OR5V1: variants seen among roughly 807,000 people sequenced by gnomAD.
OR5V1 encodes the protein olfactory receptor 5V1.
For missense variants in OR5V1, 365 were observed against 371.5 expected (o/e 0.98, Z 0.14); for synonymous variants, 134 against 143.2 (o/e 0.94, Z 0.46).
At chr6:29,363,412 A>G (rs1472123561) in intron 1 of OR5V1, among the ~76,000 whole-genome samples, 1 of 152,142 alleles carries the variant, frequency 6.6e-6, no homozygotes, top group Non-Finnish European at 1.5e-5. Context: ...ACTATTCCAA[A>G]CAATAAAAAA....
At chr6:29,361,497 G>A (rs1039078848) in intron 1 of OR5V1, among the ~76,000 whole-genome samples, 4 of 151,928 alleles carry the variant, frequency 2.6e-5, no homozygotes, top group Non-Finnish European at 4.4e-5. Flanking sequence ...ATCCAAGGTC[G>A]AAATGAAAGA....
intron 1 of OR5V1, among the ~76,000 whole-genome samples, chr6:29,365,411 A>G (rs947289654): frequency 1.3e-5 from 2 of 152,170 alleles, no homozygotes; most frequent in Admixed American, 6.5e-5. Context: ...TCCATCTGGC[A>G]AAGGTCTAAT....
chr6:29,361,199 T>C (rs1204100317), intron 1 of OR5V1, among the ~76,000 whole-genome samples: 1 of 151,888 alleles, frequency 6.6e-6, no homozygotes, highest in Non-Finnish European at 1.5e-5. Context: ...AAGATCAACT[T>C]ACTAAAATAA....
intron 1 of OR5V1, among the ~76,000 whole-genome samples, chr6:29,358,770 T>C (rs1337633546): frequency 6.6e-6 from 1 of 152,074 alleles, no homozygotes; most frequent in East Asian, 1.9e-4. Flanking sequence ...AGGTAGAAAA[T>C]AGAATGGTGG....
rs978305617 is a variant in OR5V1 at position 29,355,030 on chromosome 6, A to T, written c.*200T>A. On this transcript the variant is annotated 3_prime_UTR_variant, in exon 2 of 2. Coordinates refer to ENST00000641768, the MANE Select transcript of OR5V1 (RefSeq NM_030876.6). ...AAATTCAGGAATGGAAAAATAAATA[A>T]GAAGATAATATCTAAAGAGAGCAAC... 1 of 422,974 alleles carries T rather than the reference A, an allele frequency of 2.4e-6. No homozygotes were observed. The highest frequency in any genetic ancestry group is 4.1e-6 in the Non-Finnish European group (1 of 246,438). The allele number at this position is 422,974 out of a possible 1,614,324, so 26.2% of individuals were successfully genotyped here. A position where few individuals can be genotyped will look rare whatever the true frequency, so the allele number is the denominator to read the frequency against.
chr6:29,356,352 T>C, intron 1 of OR5V1, 75 bp from the exon 2 acceptor site: 1 of 788,664 alleles, frequency 1.3e-6, no homozygotes, highest in East Asian at 2.7e-5. Context: ...GCAGCATTCT[T>C]TTGCAAACCA....
chr6:29,355,343 G>C lies in OR5V1; in HGVS notation c.853C>G (p.Leu285Val), dbSNP rs1778207731. ...CTCAATGTGTAAATTATAGGGTTTA[G>C]CATGGGGGTAACAACACTGTACAAC... ...SVLYSVVTPM[L>V]NPIIYTLRNK... The change falls in exon 2 of 2, where the codon CTA becomes GTA. Residue 285 changes from leucine (L) to valine (V), a missense_variant. Transcript: ENST00000641768. 3 of 1,613,848 alleles carry C rather than the reference G, an allele frequency of 1.9e-6. No individual in the cohort carries two copies. Among genetic ancestry groups the C allele is most frequent in the Non-Finnish European group, 2.5e-6 (3 of 1,179,888 alleles).
rs747310156 is a variant in OR5V1 at position 29,355,475 on chromosome 6, A to T, written c.721T>A (p.Cys241Ser). The change falls in exon 2 of 2, where the codon TGT (cysteine) becomes AGT (serine). Residue 241 changes from cysteine (C) to serine (S), a missense_variant. By Grantham distance (112) the Cys-to-Ser change is moderately radical. Coordinates refer to ENST00000641768, the MANE Select transcript of OR5V1 (RefSeq NM_030876.6). ...AAGACAATGGCCAGGTGGGAGGCAC[A>T]TGTAGAGAAGGCTTTTCGTCTTCCC... ...SEGRRKAFST[C>S]ASHLAIVFLF... The T allele has an allele frequency of 6.2e-7, 1 of 1,613,920 alleles. No homozygotes were observed. Among genetic ancestry groups the T allele is most frequent in the African/African-American group, 1.3e-5 (1 of 74,934 alleles).
At chr6:29,362,747 C>T (rs9257784) in intron 1 of OR5V1, among the ~76,000 whole-genome samples, 1,697 of 152,206 alleles carry the variant, frequency 0.011, 16 homozygotes, top group East Asian at 0.028. Flanking sequence ...TATTTGAAAC[C>T]AGTGAGAACA....
chr6:29,365,261 A>C (rs1245140510), intron 1 of OR5V1, among the ~76,000 whole-genome samples: 1 of 151,900 alleles, frequency 6.6e-6, no homozygotes, highest in African/African-American at 2.4e-5. Context: ...TGACTAAAAC[A>C]CCAAAAGCAA....
chr6:29,363,328 T>G (rs1338607685), intron 1 of OR5V1, among the ~76,000 whole-genome samples: 1 of 151,592 alleles, frequency 6.6e-6, no homozygotes, highest in Non-Finnish European at 1.5e-5. Flanking sequence ...AAACAAAAAA[T>G]CTCCAGGATC....
At position 29,368,740 on chromosome 6, in the gene OR5V1, G is replaced by A. The variant is rs1778980421; in HGVS notation, c.-191C>T. ...AACACAAAATAATGTTCCCTACAGA[G>A]TCTGTGCTGATAAACTTCTGAGTGA... On this transcript the variant is annotated 5_prime_UTR_variant, in exon 1 of 2. Transcript: ENST00000641768. The A allele has an allele frequency of 6.6e-6, 1 of 152,228 alleles. No individual in the cohort carries two copies. Among genetic ancestry groups the A allele is most frequent in the Non-Finnish European group, 1.5e-5 (1 of 68,072 alleles). The allele number at this position is 152,228 out of a possible 1,614,324, so 9.4% of individuals were successfully genotyped here. A position where few individuals can be genotyped will look rare whatever the true frequency, so the allele number is the denominator to read the frequency against.
chr6:29,365,114 G>A (rs897671169), intron 1 of OR5V1, among the ~76,000 whole-genome samples: 1 of 151,954 alleles, frequency 6.6e-6, no homozygotes, highest in Admixed American at 6.6e-5. Flanking sequence ...AACAGAAACT[G>A]GACCCCTCCC....
chr6:29,355,241 G>A lies in OR5V1; in HGVS notation c.955C>T (p.Leu319Phe). The change falls in exon 2 of 2, where the codon CTC becomes TTC. Residue 319 changes from leucine (L) to phenylalanine (F), a missense_variant. By Grantham distance (22) the Leu-to-Phe change is conservative. Transcript: ENST00000641768. ...TGAACCTGTGAGGTTCAATAAGTGAGTTTACTATCCAAAGAGGAAATTGGT... is the reference window on the plus strand; with the variant it reads ...TGAACCTGTGAGGTTCAATAAGTGAATTTACTATCCAAAGAGGAAATTGGT... ...QPPISSLDSK[L>F]TY 3 of 1,589,574 alleles carry A rather than the reference G, an allele frequency of 1.9e-6. No homozygotes were observed. Among genetic ancestry groups the A allele is most frequent in the Non-Finnish European group, 2.6e-6 (3 of 1,171,704 alleles).
At chr6:29,363,549 A>G (rs969845465) in intron 1 of OR5V1, among the ~76,000 whole-genome samples, 2 of 152,230 alleles carry the variant, frequency 1.3e-5, no homozygotes, top group African/African-American at 4.8e-5. Flanking sequence ...AAAAATGCTC[A>G]ATAAACTACT....
intron 1 of OR5V1, among the ~76,000 whole-genome samples, chr6:29,359,888 T>C (rs1326384136): frequency 6.6e-6 from 1 of 152,284 alleles, no homozygotes; most frequent in East Asian, 1.9e-4. Flanking sequence ...GGAGTTTTTT[T>C]CATACCCCAG....
rs1778144985 is a variant in OR5V1, at chr6:29,354,198, C to G, written c.*1032G>C. The G allele has an allele frequency of 6.6e-6, 1 of 151,946 alleles. No homozygotes were observed. Among genetic ancestry groups the G allele is most frequent in the Non-Finnish European group, 1.5e-5 (1 of 67,924 alleles). The allele number at this position is 151,946 out of a possible 1,614,324, so 9.4% of individuals were successfully genotyped here. ...TATCTCTCTTTCAATCTCTTAGGCT[C>G]TTACATTGTATGTTATTTATTTTCC... On this transcript the variant is annotated 3_prime_UTR_variant, in exon 2 of 2. Transcript: ENST00000641768.
intron 1 of OR5V1, among the ~76,000 whole-genome samples, chr6:29,364,845 G>A: frequency 7.3e-6 from 1 of 137,112 alleles, no homozygotes; most frequent in African/African-American, 2.9e-5. Context: ...GAGGCATCAT[G>A]TTACCTGACT....
chr6:29,361,733 T>C (rs371628491), intron 1 of OR5V1, among the ~76,000 whole-genome samples: 1 of 152,150 alleles, frequency 6.6e-6, no homozygotes, highest in Non-Finnish European at 1.5e-5. Context: ...AAGCAAATGC[T>C]GAGGGATTAT....
Sources: gnomAD v4.1 joint callset for allele counts (sites outside exome capture counted in the v4.1 genomes callset) on GRCh38, gnomAD v4.1.1 for gene constraint, MANE v1.5 for transcripts, NCBI Gene and HGNC (gene_info 2026-07-23, HGNC 2026-07-21) for gene names.